The following NEBL variants were observed in gnomAD, a reference collection of about 807,000 sequenced individuals.
The protein encoded by NEBL is nebulette, also known as LIM and SH3 protein 2.
A neutral mutation model predicts 140.2 loss-of-function variants in NEBL; 122 were observed. The observed-to-expected ratio is 0.87, with a 90% CI of 0.75 to 1.01. The LOEUF (loss-of-function observed/expected upper bound fraction) is 1.01, where lower values mean the gene tolerates loss of function less well. Ranked by LOEUF, NEBL falls within the 50% of genes least tolerant of loss-of-function variation. NEBL has a pLI of 0.00. For synonymous variants in NEBL, 436 were observed against 398.9 expected (o/e 1.09, Z -1.11); for missense variants, 1,365 against 1,231.3 (o/e 1.11, Z -1.62).
chr10:20,840,640 T>C, intron 13 of NEBL, 99 bp downstream of exon 13: 1 of 804,022 alleles, frequency 1.2e-6, no homozygotes, highest in South Asian at 1.4e-5. Flanking sequence ...ATCACTTACA[T>C]ATAAAAGTTA....
rs1482575099 is a variant in NEBL at position 21,173,496 on chromosome 10, A to G, written c.69+269T>C. Among the ~76,000 whole-genome samples, 1 of 151,872 alleles carries G rather than the reference A, an allele frequency of 6.6e-6. No individual in the cohort carries two copies. Among genetic ancestry groups the G allele is most frequent in the Non-Finnish European group, 1.5e-5 (1 of 67,952 alleles). On this transcript the variant is annotated intron_variant, in intron 1 of 6. Transcript: ENST00000417816. This position sits in a 1 kb window ranked among gnomAD's most constrained non-coding sequence, Gnocchi z 5.7. Reference sequence around the variant, plus strand: ...GTCCCTCCGGGGTCCGGGGCTGCGCACCGCCGTGCGCCCTCCGCAGAGGCT... The same window carrying G: ...GTCCCTCCGGGGTCCGGGGCTGCGCGCCGCCGTGCGCCCTCCGCAGAGGCT...
chr10:21,127,200 T>C (rs891555456), intron 2 of NEBL, among the ~76,000 whole-genome samples: 1 of 151,900 alleles, frequency 6.6e-6, no homozygotes, highest in Non-Finnish European at 1.5e-5. Flanking sequence ...ATTCAGAAAA[T>C]GGATCAATAA....
chr10:20,830,276 A>G (rs1182312585), intron 16 of NEBL, among the ~76,000 whole-genome samples: 11 of 152,256 alleles, frequency 7.2e-5, no homozygotes, highest in Non-Finnish European at 1.5e-4. Flanking sequence ...CATAAACTCC[A>G]TTAATCAAAT....
intron 2 of NEBL, among the ~76,000 whole-genome samples, chr10:21,062,262 A>T (rs1370564179): frequency 3.9e-5 from 6 of 152,226 alleles, no homozygotes; most frequent in African/African-American, 9.6e-5. Flanking sequence ...ACAGCGTGAG[A>T]GACTGCAGAA....
In NEBL at chr10:20,961,671, CA is replaced by C. The variant is rs747633738; in HGVS notation, c.357del (p.Asn119LysfsTer2). ...ATGCTATTGAATAAACAGGCACCTA[CA>C]TTACTGATTTGCTCCTGAGTCCTCT... On this transcript the variant is annotated frameshift_variant and splice_region_variant, in exon 4 of 7. Transcript: ENST00000417816. LOFTEE classifies it high-confidence loss of function. The C allele has an allele frequency of 1.9e-6, 3 of 1,599,998 alleles. No individual in the cohort carries two copies. The highest frequency in any genetic ancestry group is 1.7e-6 in the Non-Finnish European group (2 of 1,167,352).
intron 4 of NEBL, among the ~76,000 whole-genome samples, chr10:20,886,002 T>G (rs1316184726): frequency 6.6e-6 from 1 of 152,176 alleles, no homozygotes; most frequent in Non-Finnish European, 1.5e-5. Context: ...CTGCAAAGAA[T>G]AACTATGCTC....
At chr10:21,250,172 G>A (rs1489790272) in intron 2 of NEBL, among the ~76,000 whole-genome samples, 3 of 152,226 alleles carry the variant, frequency 2.0e-5, no homozygotes. Flanking sequence ...GTGTCTGTGA[G>A]GGTTTTGTCA....
chr10:21,119,301 CA>C (rs1266744015), intron 2 of NEBL, among the ~76,000 whole-genome samples: 1 of 151,958 alleles, frequency 6.6e-6, no homozygotes. Flanking sequence ...AGAACAGCTT[CA>C]AAACTAGTGT....
chr10:21,272,561 C>A (rs936681036), intron 1 of NEBL, among the ~76,000 whole-genome samples: 4 of 152,152 alleles, frequency 2.6e-5, no homozygotes, highest in African/African-American at 9.7e-5. Flanking sequence ...TGCACTCCAG[C>A]CTGGGCAGCA....
At chr10:21,035,682 T>A (rs1337239893) in intron 2 of NEBL, among the ~76,000 whole-genome samples, 1 of 152,158 alleles carries the variant, frequency 6.6e-6, no homozygotes, top group Non-Finnish European at 1.5e-5. Flanking sequence ...AAGAAGAACT[T>A]TGTGGAAGGT....
intron 14 of NEBL, among the ~76,000 whole-genome samples, chr10:20,832,216 A>G (rs1840482020): frequency 2.0e-5 from 3 of 152,204 alleles, no homozygotes; most frequent in Admixed American, 2.0e-4. Context: ...TCAATAAATC[A>G]TTATACCCCA....
At chr10:20,839,437 C>T (rs865847189) in intron 13 of NEBL, among the ~76,000 whole-genome samples, 2 of 152,118 alleles carry the variant, frequency 1.3e-5, no homozygotes, top group African/African-American at 4.8e-5. Flanking sequence ...CATTCCTCCT[C>T]CTTCTGGCAA....
At chr10:20,946,846 A>C (rs1037844263) in intron 4 of NEBL, among the ~76,000 whole-genome samples, 1 of 152,190 alleles carries the variant, frequency 6.6e-6, no homozygotes, top group Non-Finnish European at 1.5e-5. Flanking sequence ...GGCAGCATTT[A>C]ACAAAGGATA....
intron 1 of NEBL, among the ~76,000 whole-genome samples, chr10:21,260,154 T>C (rs1842720102): frequency 1.3e-5 from 2 of 152,244 alleles, no homozygotes; most frequent in Non-Finnish European, 2.9e-5. Flanking sequence ...GAAGCATTCC[T>C]TAATGACTGA....
intron 16 of NEBL, among the ~76,000 whole-genome samples, chr10:20,830,154 C>T (rs1258774377): frequency 6.6e-6 from 1 of 152,192 alleles, no homozygotes; most frequent in Non-Finnish European, 1.5e-5. Context: ...TGACATTTGA[C>T]TCTGCCATCT....
At chr10:20,871,697 T>G (rs1392118371) in intron 5 of NEBL, among the ~76,000 whole-genome samples, 1 of 152,214 alleles carries the variant, frequency 6.6e-6, no homozygotes, top group Non-Finnish European at 1.5e-5. Flanking sequence ...CTTCCACATT[T>G]ATATTTTCAG....
chr10:21,228,147 T>C (rs1305695552), intron 3 of NEBL, among the ~76,000 whole-genome samples: 2 of 151,910 alleles, frequency 1.3e-5, no homozygotes, highest in African/African-American at 4.8e-5. Context: ...TTGCTATTTC[T>C]TTGTTTGTTT....
At chr10:21,030,155 G>T in intron 2 of NEBL, 1 of 481,572 alleles carries the variant, frequency 2.1e-6, no homozygotes, top group South Asian at 1.9e-5. Flanking sequence ...GCTACAGAAG[G>T]AACAAGATAA....
chr10:21,186,382 A>G (rs1841472296), intron 3 of NEBL, among the ~76,000 whole-genome samples: 1 of 151,304 alleles, frequency 6.6e-6, no homozygotes, highest in South Asian at 2.1e-4. Flanking sequence ...TAGGGAGGGG[A>G]CTAGGTCATG....
Sources: allele counts gnomAD v4.1 joint callset (sites outside exome capture counted in the v4.1 genomes callset), GRCh38; gene constraint gnomAD v4.1.1; non-coding constraint Gnocchi (gnomAD v3.1); transcripts MANE v1.5; gene names NCBI Gene and HGNC (gene_info 2026-07-23, HGNC 2026-07-21).